The following OR2T1 variants were observed in gnomAD, a reference collection of about 807,000 sequenced individuals.
The protein encoded by OR2T1 is olfactory receptor 2T1.
For synonymous variants in OR2T1, 186 were observed against 145.4 expected (o/e 1.28, Z -2.01); for missense variants, 440 against 390.2 (o/e 1.13, Z -1.07).
chr1:248,405,926 A>G, intron 1 of OR2T1, 189 bp from the exon 2 acceptor site: 1 of 1,270,478 alleles, frequency 7.9e-7, no homozygotes, highest in Non-Finnish European at 1.1e-6. Flanking sequence ...TTAAGCAATT[A>G]TTGATTAATA....
chr1:248,403,392 C>T (rs1661469916), intron 1 of OR2T1, 147 bp downstream of exon 1: 1 of 152,002 alleles, frequency 6.6e-6, no homozygotes, highest in Admixed American at 6.6e-5. Context: ...ATATTTGCAC[C>T]TGTAACTATA....
rs757850174 is a variant in OR2T1, at chr1:248,406,912, G to A, written c.765G>A (p.Met255Ile). The change falls in exon 2 of 2, where the codon ATG becomes ATA. Residue 255 changes from methionine (M) to isoleucine (I), a missense_variant. Transcript: ENST00000642005. Reference protein sequence around the residue: ...TVVSLFYGAAMYTYMLPHSYH... With the variant: ...TVVSLFYGAAIYTYMLPHSYH... ...TGTCCTTGTTCTACGGGGCTGCCAT[G>A]TACACCTACATGCTGCCACATTCTT... is the stretch of plus-strand genomic sequence containing the variant. 11 of 1,613,980 alleles carry A rather than the reference G, an allele frequency of 6.8e-6. No homozygotes were observed. The East Asian group carries it at 1.6e-4, about 23-fold the overall frequency.
In OR2T1 at chr1:248,406,619, C is replaced by T. The variant is rs778478070; in HGVS notation, c.472C>T (p.Leu158=). The change falls in exon 2 of 2, where the codon CTA becomes TTA. Residue 158 remains leucine (L), a synonymous_variant. Transcript: ENST00000642005. ...TGGGGGCTCTTTGGATGGCTTCCTCCTAACCCCCATCACCATGAGCTTTCC... is the reference window on the plus strand; with the variant it reads ...TGGGGGCTCTTTGGATGGCTTCCTCTTAACCCCCATCACCATGAGCTTTCC... The part of the protein sequence containing the change: ...WFGGSLDGFL[L]TPITMSFPFC... The T allele has an allele frequency of 7.4e-6, 12 of 1,614,038 alleles. No individual in the cohort carries two copies. In the East Asian group the frequency reaches 2.5e-4, roughly 33 times the overall value.
At chr1:248,404,305 G>A (rs892911639) in intron 1 of OR2T1, among the ~76,000 whole-genome samples, 2 of 1,216 alleles carry the variant, frequency 1.6e-3, no homozygotes, top group Non-Finnish European at 2.9e-3. Context: ...GTGTCTTATC[G>A]CATGATAAAA....
At chr1:248,404,029 C>T (rs1004215866) in intron 1 of OR2T1, among the ~76,000 whole-genome samples, 1 of 151,876 alleles carries the variant, frequency 6.6e-6, no homozygotes. Context: ...GATAAAAGAT[C>T]ATCCTTTATA....
intron 1 of OR2T1, among the ~76,000 whole-genome samples, chr1:248,404,145 T>C (rs1391858244): frequency 0.093 from 11 of 118 alleles, no homozygotes; most frequent in East Asian, 0.25. Context: ...TTTCCAAAAA[T>C]CATCGGTGAG....
At chr1:248,404,849 ACTAT>A (rs1270959538) in intron 1 of OR2T1, among the ~76,000 whole-genome samples, 4 of 152,002 alleles carry the variant, frequency 2.6e-5, no homozygotes, top group Admixed American at 1.3e-4. Context: ...ATGAATTGAG[ACTAT>A]CTAGTCCAAA....
rs1661467030 is a variant in OR2T1, at chr1:248,403,159, A to T, written c.-120A>T. ...AGTAACAATCCTTTCAAGTCAAAGG[A>T]TACTTGGGGGAAAAGATAGACTTTA... On this transcript the variant is annotated 5_prime_UTR_variant, in exon 1 of 2. Coordinates refer to ENST00000642005, the MANE Select transcript of OR2T1 (RefSeq NM_030904.2). The T allele has an allele frequency of 1.3e-5, 2 of 152,118 alleles. No homozygotes were observed. The highest frequency in any genetic ancestry group is 1.3e-4 in the Admixed American group (2 of 15,246). The allele number at this position is 152,118 out of a possible 1,614,324, so 9.4% of individuals were successfully genotyped here. A position where few individuals can be genotyped will look rare whatever the true frequency, so the allele number is the denominator to read the frequency against.
chr1:248,406,143 G>C lies in OR2T1; in HGVS notation c.-5G>C. 3.7e-6 allele frequency: 6 copies of C among 1,614,104 alleles called. No individual in the cohort carries two copies. Among genetic ancestry groups the C allele is most frequent in the Non-Finnish European group, 5.1e-6 (6 of 1,179,998 alleles). The stretch of plus-strand genomic sequence containing the variant: ...TTACCTTATATCGGCACAACTGTAG[G>C]ATCAATGGAAGAGTACAACACATCC... On this transcript the variant is annotated 5_prime_UTR_variant, in exon 2 of 2. Transcript: ENST00000642005.
chr1:248,406,045 T>G, intron 1 of OR2T1, 70 bp from the exon 2 acceptor site: 1 of 1,613,190 alleles, frequency 6.2e-7, no homozygotes, highest in Non-Finnish European at 8.5e-7. Context: ...TTTTAAAAGT[T>G]TGCTGCCTAA....
At position 248,406,292 on chromosome 1, in the gene OR2T1, CA is replaced by C. The variant is rs772736002; in HGVS notation, c.148del (p.Thr50GlnfsTer18). 1 of 1,614,092 alleles carries C rather than the reference CA, an allele frequency of 6.2e-7. No individual in the cohort carries two copies. Among genetic ancestry groups the C allele is most frequent in the Admixed American group, 1.7e-5 (1 of 59,996 alleles). ...MANGVMIFLI[Q>X]TDLRLHTPMY... ...CAATGGGGTTATGATCTTCCTGATC[CA>C]AACAGATTTGCGCCTTCATACACCC... On this transcript the variant is annotated frameshift_variant, in exon 2 of 2. Transcript: ENST00000642005. LOFTEE classifies it low-confidence loss of function (END_TRUNC).
Position 248,407,317 on chromosome 1 carries a change from C to T in OR2T1, c.*213C>T, listed in dbSNP as rs1661584581. 2.3e-6 allele frequency: 1 copy of T among 437,302 alleles called. No individual in the cohort carries two copies. Among genetic ancestry groups the T allele is most frequent in the African/African-American group, 2.0e-5 (1 of 49,098 alleles). The allele number at this position is 437,302 out of a possible 1,614,324, so 27.1% of individuals were successfully genotyped here. ...TCTCTCTCTGTGATCTTCGCCTTCC[C>T]TCTTTTCACCTGCTTCTTTTTCTCC... On this transcript the variant is annotated 3_prime_UTR_variant, in exon 2 of 2. Transcript: ENST00000642005.
In OR2T1 at chr1:248,406,503, A is replaced by G. The variant is rs148479050; in HGVS notation, c.356A>G (p.Tyr119Cys). 4 of 1,614,012 alleles carry G rather than the reference A, an allele frequency of 2.5e-6. No individual in the cohort carries two copies. The highest frequency in any genetic ancestry group is 2.7e-5 in the African/African-American group (2 of 74,914). Residue 119 changes from tyrosine (Y) to cysteine (C), a missense_variant, in exon 2 of 2, where the codon TAT becomes TGT. Tyr to Cys is a radical substitution (Grantham distance 194). Coordinates refer to ENST00000642005, the MANE Select transcript of OR2T1 (RefSeq NM_030904.2). ...AEFFLLGLMA[Y>C]DRYVAICNPL... ...TTCTTCCTGCTGGGCCTCATGGCCT[A>G]TGACCGCTATGTGGCCATTTGCAAC... is the stretch of plus-strand genomic sequence containing the variant.
At position 248,407,084 on chromosome 1, in the gene OR2T1, G is replaced by T. The variant is rs763683847; in HGVS notation, c.937G>T (p.Val313Leu). 9 of 1,591,644 alleles carry T rather than the reference G, an allele frequency of 5.7e-6. No homozygotes were observed. The Admixed American group carries it at 1.6e-4, about 28-fold the overall frequency. ...ALGRFKGPQR[V>L]SGGVF is the part of the protein sequence containing the mutation. ...GGGGAGGTTCAAGGGTCCTCAAAGG[G>T]TGTCAGGAGGTGTCTTTTGACAGTC... The change falls in exon 2 of 2, where the codon GTG becomes TTG. Residue 313 changes from valine (V) to leucine (L), a missense_variant. Val to Leu is a conservative substitution (Grantham distance 32). Coordinates refer to ENST00000642005, the MANE Select transcript of OR2T1 (RefSeq NM_030904.2).
Position 248,407,428 on chromosome 1 carries a change from C to T in OR2T1, c.*324C>T. The T allele has an allele frequency of 3.3e-6, 1 of 306,976 alleles. No homozygotes were observed. The highest frequency in any genetic ancestry group is 6.0e-6 in the Non-Finnish European group (1 of 168,060). 19.0% of individuals were successfully genotyped at this position (306,976 alleles called of 1,614,324 possible). ...GAAATTATCTGACTACCTTGTCTGA[C>T]TGTATGTCATAAGACCTCTGTTTCA... On this transcript the variant is annotated 3_prime_UTR_variant, in exon 2 of 2. Transcript: ENST00000642005.
intron 1 of OR2T1, among the ~76,000 whole-genome samples, chr1:248,405,320 T>A (rs1661532751): frequency 1.3e-5 from 2 of 152,134 alleles, no homozygotes; most frequent in Non-Finnish European, 1.5e-5. Flanking sequence ...AATTCTAATT[T>A]CCAAAAATAA....
intron 1 of OR2T1, among the ~76,000 whole-genome samples, chr1:248,405,807 G>T (rs764954431): frequency 3.9e-5 from 6 of 152,156 alleles, no homozygotes; most frequent in Admixed American, 2.6e-4. Flanking sequence ...CGCATACACC[G>T]GACCATGGTA....
intron 1 of OR2T1, 150 bp from the exon 2 acceptor site, chr1:248,405,965 G>A (rs758364230): frequency 3.9e-5 from 60 of 1,541,776 alleles, no homozygotes; most frequent in Non-Finnish European, 4.9e-5. Flanking sequence ...AAACCTTCTG[G>A]AATAGAGTAA....
chr1:248,405,911 T>C (rs1661544012), intron 1 of OR2T1: 2 of 1,119,016 alleles, frequency 1.8e-6, no homozygotes, highest in Admixed American at 2.3e-5. Flanking sequence ...TCTTCTCCAA[T>C]GTATTTAAGC....
Sources: allele counts gnomAD v4.1 joint callset (sites outside exome capture counted in the v4.1 genomes callset), GRCh38; gene constraint gnomAD v4.1.1; transcripts MANE v1.5; gene names NCBI Gene and HGNC (gene_info 2026-07-23, HGNC 2026-07-21).